Variants in RBM33 observed in about 807,000 individuals in gnomAD.
RBM33 encodes RNA binding motif protein 33, also known as RNA-binding protein 33.
In RBM33, 28 loss-of-function variants were observed where a neutral mutation model predicts 132.6. The observed-to-expected ratio is 0.21, with a 90% CI of 0.16 to 0.29. The LOEUF is 0.29. Among genes scored for constraint, RBM33 ranks in the 10% least tolerant of loss-of-function variants. The pLI is 1.00. For synonymous variants in RBM33, 634 were observed against 593.0 expected, an observed-to-expected ratio of 1.07 and a Z score of -1.01; for missense variants, 1,291 against 1,518.5, an observed-to-expected ratio of 0.85 and a Z score of 2.49.
At chr7:155,709,569 A>G (rs1298467277) in intron 7 of RBM33, among the ~76,000 whole-genome samples, 1 of 152,166 alleles carries the variant, frequency 6.6e-6, no homozygotes, top group African/African-American at 2.4e-5. Context: ...CAGGCCCTGA[A>G]TGTCACTTGT....
intron 1 of RBM33, among the ~76,000 whole-genome samples, chr7:155,651,643 A>G (rs974722703): frequency 2.7e-5 from 4 of 150,884 alleles, no homozygotes; most frequent in Non-Finnish European, 4.4e-5. Flanking sequence ...GTCAGTTCCT[A>G]TAGATTTTAA....
intron 9 of RBM33, among the ~76,000 whole-genome samples, chr7:155,725,573 G>A (rs1007985013): frequency 6.6e-6 from 1 of 152,150 alleles, no homozygotes; most frequent in Admixed American, 6.5e-5. Flanking sequence ...AAGTACTAAA[G>A]TGAGGAAGTT....
intron 8 of RBM33, among the ~76,000 whole-genome samples, chr7:155,716,207 C>G (rs1406806869): frequency 1.3e-5 from 2 of 152,170 alleles, no homozygotes; most frequent in African/African-American, 2.4e-5. Flanking sequence ...CTGGGTATTC[C>G]CACTGAGGTG....
At chr7:155,772,084 C>T (rs542949303) in intron 16 of RBM33, among the ~76,000 whole-genome samples, 5 of 152,204 alleles carry the variant, frequency 3.3e-5, no homozygotes, top group Admixed American at 2.6e-4. Flanking sequence ...AGAGAAGGTC[C>T]ATTATTGTAG....
At position 155,742,027 on chromosome 7, in the gene RBM33, C is replaced by T. The variant is rs375673744; in HGVS notation, c.2258C>T (p.Ser753Leu). The T allele has an allele frequency of 4.3e-6, 7 of 1,613,904 alleles. No homozygotes were observed. The highest frequency in any genetic ancestry group is 5.9e-6 in the Non-Finnish European group (7 of 1,179,910). ...CGGGCCGTGGCGGGTTCCAGAAGCT[C>T]ACAGGGAAAGACGGAAGTGAAAGTC... ...PSRAVAGSRS[S>L]QGKTEVKVKP... is the part of the protein sequence containing the mutation. The change falls in exon 13 of 18, where the codon TCA (serine) becomes TTA (leucine). Residue 753 changes from serine (S) to leucine (L), a missense_variant. Physicochemically the swap from Ser to Leu is moderately radical, Grantham distance 145. Around this residue, in one of 7 missense-constraint regions of RBM33, gnomAD observed 841 missense variants for 912.0 expected, o/e 0.92. Coordinates refer to ENST00000401878, the MANE Select transcript of RBM33 (RefSeq NM_053043.3).
intron 5 of RBM33, among the ~76,000 whole-genome samples, chr7:155,693,652 G>A (rs1474592829): frequency 1.3e-5 from 2 of 151,240 alleles, no homozygotes; most frequent in Non-Finnish European, 2.9e-5. Flanking sequence ...TGATGCTCTT[G>A]ATCTTAGGAC....
intron 13 of RBM33, among the ~76,000 whole-genome samples, chr7:155,743,886 C>T (rs907098138): frequency 6.6e-6 from 1 of 152,210 alleles, no homozygotes; most frequent in Admixed American, 6.5e-5. Context: ...CTTGTGCCCA[C>T]TATCCCCCTG....
intron 1 of RBM33, among the ~76,000 whole-genome samples, chr7:155,662,312 T>G (rs987856844): frequency 6.6e-6 from 1 of 152,140 alleles, no homozygotes; most frequent in Non-Finnish European, 1.5e-5. Context: ...GCAGGGGCCC[T>G]CCTCACCTGT....
Position 155,775,120 on chromosome 7 carries a change from C to A in RBM33, c.*79C>A, listed in dbSNP as rs890428831. The A allele has an allele frequency of 4.0e-6, 5 of 1,249,938 alleles. No homozygotes were observed. The highest frequency in any genetic ancestry group is 5.9e-6 in the Non-Finnish European group (5 of 848,956). The allele number at this position is 1,249,938 out of a possible 1,614,324, so 77.4% of individuals were successfully genotyped here. A position where few individuals can be genotyped will look rare whatever the true frequency, so the allele number is the denominator to read the frequency against. Reference sequence around the variant, plus strand: ...AAGGGAGCTGCCGGCCGGCGCAGAACCCCCAGGAGCACAGGTCTCTCCGGG... The same window carrying A: ...AAGGGAGCTGCCGGCCGGCGCAGAAACCCCAGGAGCACAGGTCTCTCCGGG... On this transcript the variant is annotated 3_prime_UTR_variant, in exon 18 of 18. Coordinates refer to ENST00000401878, the MANE Select transcript of RBM33 (RefSeq NM_053043.3).
intron 2 of RBM33, among the ~76,000 whole-genome samples, chr7:155,672,486 G>T (rs1396627756): frequency 1.3e-5 from 2 of 152,194 alleles, no homozygotes; most frequent in Non-Finnish European, 2.9e-5. Context: ...GCCGGGCATG[G>T]TGGCTCATGC....
chr7:155,735,299 G>T (rs1420776465), intron 9 of RBM33, among the ~76,000 whole-genome samples: 1 of 152,204 alleles, frequency 6.6e-6, no homozygotes, highest in Non-Finnish European at 1.5e-5. Flanking sequence ...GAGAAAGCAG[G>T]CAAGCTCATT....
At chr7:155,771,199 G>T (rs537295361) in intron 16 of RBM33, among the ~76,000 whole-genome samples, 6 of 152,158 alleles carry the variant, frequency 3.9e-5, no homozygotes, top group African/African-American at 1.4e-4. Context: ...CTATGATAGC[G>T]TGTTGCTCAG....
intron 9 of RBM33, among the ~76,000 whole-genome samples, chr7:155,724,619 C>T (rs1800726062): frequency 6.6e-6 from 1 of 152,132 alleles, no homozygotes; most frequent in South Asian, 2.1e-4. Flanking sequence ...GTGCTTTGAG[C>T]GTACAGGTGT....
At chr7:155,758,729 G>A (rs1801932953) in intron 14 of RBM33, among the ~76,000 whole-genome samples, 1 of 152,154 alleles carries the variant, frequency 6.6e-6, no homozygotes, top group Non-Finnish European at 1.5e-5. Flanking sequence ...GTCTTTCCTT[G>A]AAAGTTGGGT....
At chr7:155,669,600 A>G (rs558371581) in intron 2 of RBM33, among the ~76,000 whole-genome samples, 5 of 152,294 alleles carry the variant, frequency 3.3e-5, no homozygotes, top group African/African-American at 1.2e-4. Context: ...TGATCCAACC[A>G]CCTCAGCTTC....
chr7:155,721,316 G>A (rs546986710), intron 9 of RBM33, among the ~76,000 whole-genome samples: 27 of 152,260 alleles, frequency 1.8e-4, no homozygotes, highest in African/African-American at 6.0e-4. Context: ...GCACATAGTT[G>A]TCAAATAGAC....
chr7:155,772,870 A>T (rs1486592354), intron 16 of RBM33, among the ~76,000 whole-genome samples: 10 of 152,220 alleles, frequency 6.6e-5, no homozygotes, highest in Non-Finnish European at 1.5e-4. Context: ...CTGTTGTAGA[A>T]GCACTGGAAG....
intron 5 of RBM33, among the ~76,000 whole-genome samples, chr7:155,685,629 G>T (rs573859833): frequency 6.6e-6 from 1 of 152,300 alleles, no homozygotes; most frequent in Admixed American, 6.5e-5. Context: ...ATGGAAGGAG[G>T]TGAACCTCTG....
intron 14 of RBM33, among the ~76,000 whole-genome samples, chr7:155,755,866 GCTTA>G (rs1055526171): frequency 1.3e-4 from 19 of 151,850 alleles, no homozygotes; most frequent in African/African-American, 4.6e-4. Flanking sequence ...TATTCCCTAA[GCTTA>G]CTTAATTCAA....
Sources: gnomAD v4.1 joint callset for allele counts (sites outside exome capture counted in the v4.1 genomes callset) on GRCh38, gnomAD v4.1.1 for gene constraint, gnomAD v4.1.1 regional missense constraint, MANE v1.5 for transcripts, NCBI Gene and HGNC (gene_info 2026-07-23, HGNC 2026-07-21) for gene names.